DOCK3: variants seen among roughly 807,000 people sequenced by gnomAD.
The protein encoded by DOCK3 is dedicator of cytokinesis protein 3.
Under a neutral mutation model 265.6 loss-of-function variants are expected in DOCK3, and 60 were observed. The observed-to-expected ratio is 0.23, with a 90% CI of 0.18 to 0.28. The LOEUF is 0.28. DOCK3 is among the 10% of genes least tolerant of loss of function. DOCK3 has a pLI of 1.00. For missense variants in DOCK3, 1,981 were observed against 2,594.3 expected, an observed-to-expected ratio of 0.76 and a Z score of 5.14; for synonymous variants, 881 against 938.0, an observed-to-expected ratio of 0.94 and a Z score of 1.11.
intron 4 of DOCK3, among the ~76,000 whole-genome samples, chr3:50,902,287 A>G (rs1218546804): frequency 1.3e-5 from 2 of 152,098 alleles, no homozygotes; most frequent in African/African-American, 4.8e-5. Context: ...AATATTGCCT[A>G]GGTTTTCTTC....
At chr3:50,738,269 T>C (rs546653432) in intron 1 of DOCK3, among the ~76,000 whole-genome samples, 2 of 152,232 alleles carry the variant, frequency 1.3e-5, no homozygotes, top group East Asian at 1.9e-4. Flanking sequence ...CTGAGGTTCA[T>C]GGAAGTCAGC....
intron 32 of DOCK3, among the ~76,000 whole-genome samples, chr3:51,315,492 G>A (rs1309827680): frequency 6.6e-6 from 1 of 152,278 alleles, no homozygotes. Context: ...CTGCAGCCCA[G>A]ACCAGATGAC....
intron 4 of DOCK3, among the ~76,000 whole-genome samples, chr3:50,899,278 T>C (rs1375740057): frequency 1.3e-5 from 2 of 152,242 alleles, no homozygotes; most frequent in Non-Finnish European, 2.9e-5. Flanking sequence ...AAGTCTTTTT[T>C]ATCAGAGACT....
intron 2 of DOCK3, among the ~76,000 whole-genome samples, chr3:50,806,588 C>T (rs2106683205): frequency 6.6e-6 from 1 of 151,852 alleles, no homozygotes; most frequent in South Asian, 2.1e-4. Context: ...GAAGACTGTT[C>T]TTCTGGCTGA....
chr3:50,861,374 C>G (rs985877476), intron 3 of DOCK3, among the ~76,000 whole-genome samples: 5 of 152,142 alleles, frequency 3.3e-5, no homozygotes, highest in African/African-American at 1.2e-4. Context: ...TTAAGAATGT[C>G]CCATGCGCAG....
intron 50 of DOCK3, among the ~76,000 whole-genome samples, chr3:51,375,242 T>C (rs2088011272): frequency 6.6e-6 from 1 of 152,230 alleles, no homozygotes; most frequent in South Asian, 2.1e-4. Context: ...CTGTGCCTGA[T>C]TGGCTCTGCC....
intron 23 of DOCK3, among the ~76,000 whole-genome samples, chr3:51,260,901 T>C (rs1007991896): frequency 3.3e-5 from 5 of 151,916 alleles, no homozygotes; most frequent in African/African-American, 1.2e-4. Context: ...GGAGAATTGC[T>C]TGAACCCGGG....
intron 33 of DOCK3, among the ~76,000 whole-genome samples, chr3:51,331,573 T>G (rs1051656979): frequency 1.3e-5 from 2 of 150,414 alleles, no homozygotes; most frequent in South Asian, 4.2e-4. Flanking sequence ...AAAAAAAAAG[T>G]AAATCATGGG....
chr3:51,279,970 G>T (rs976274585), intron 26 of DOCK3, 136 bp from the exon 27 acceptor site: 5 of 683,062 alleles, frequency 7.3e-6, no homozygotes, highest in Non-Finnish European at 1.3e-5. Flanking sequence ...AGCTTTAGAG[G>T]GCTAGATTTG....
intron 32 of DOCK3, among the ~76,000 whole-genome samples, chr3:51,320,179 G>A (rs1470074511): frequency 1.3e-5 from 2 of 152,160 alleles, no homozygotes; most frequent in Admixed American, 6.5e-5. Flanking sequence ...GCGAGCCAAA[G>A]CAGGGTGGGG....
Position 51,064,395 on chromosome 3 carries a change from A to G in DOCK3, c.316-53A>G. On this transcript the variant is annotated intron_variant, in intron 5 of 52. Coordinates refer to ENST00000266037, the MANE Select transcript of DOCK3 (RefSeq NM_004947.5). ...TTTAACTATTTCTCTTTTTCTTTTC[A>G]TTCCTTTTCCATGTCTCTTGTATTT... 1.9e-6 allele frequency: 3 copies of G among 1,597,782 alleles called. No individual in the cohort carries two copies. In the South Asian group the frequency reaches 3.3e-5, roughly 18 times the overall value.
chr3:50,676,918 C>G (rs1273687923), intron 1 of DOCK3, among the ~76,000 whole-genome samples: 1 of 152,152 alleles, frequency 6.6e-6, no homozygotes, highest in Non-Finnish European at 1.5e-5. Flanking sequence ...ATAGTTTCTT[C>G]TTTTCCCTTA....
At chr3:50,719,538 A>G in intron 1 of DOCK3, 1 of 1,207,102 alleles carries the variant, frequency 8.3e-7, no homozygotes, top group Non-Finnish European at 1.2e-6. Flanking sequence ...CCGTTTCTGG[A>G]TCTAGAGCAC....
At chr3:51,094,088 T>TAAACCAG (rs2082735086) in intron 9 of DOCK3, among the ~76,000 whole-genome samples, 1 of 152,198 alleles carries the variant, frequency 6.6e-6, no homozygotes, top group Non-Finnish European at 1.5e-5. Context: ...TTATTGAAGA[T>TAAACCAG]TTTTGCATCG....
chr3:51,218,760 A>C (rs928773408), intron 14 of DOCK3, among the ~76,000 whole-genome samples: 1 of 152,166 alleles, frequency 6.6e-6, no homozygotes, highest in Non-Finnish European at 1.5e-5. Context: ...GTTCTAATAG[A>C]TGACTAAGTT....
intron 27 of DOCK3, among the ~76,000 whole-genome samples, chr3:51,288,413 TTAAG>T (rs1425067404): frequency 3.9e-4 from 56 of 144,362 alleles, no homozygotes; most frequent in African/African-American, 1.4e-3. Flanking sequence ...AAAAAAAAAA[TTAAG>T]AGAACAACAG....
At chr3:50,739,296 A>G (rs1366902331) in intron 1 of DOCK3, among the ~76,000 whole-genome samples, 2 of 152,088 alleles carry the variant, frequency 1.3e-5, no homozygotes, top group Non-Finnish European at 2.9e-5. Context: ...CTACTAATGT[A>G]TCTTCCCCTT....
At chr3:51,245,390 CTTTTTTTTT>C (rs71084137) in intron 21 of DOCK3, among the ~76,000 whole-genome samples, 2 of 106,678 alleles carry the variant, frequency 1.9e-5, no homozygotes, top group African/African-American at 6.9e-5. Context: ...CATTTTCTTT[CTTTTTTTTT>C]TTTTTTTTTG....
intron 21 of DOCK3, among the ~76,000 whole-genome samples, chr3:51,243,406 C>T (rs924834373): frequency 2.0e-5 from 3 of 151,540 alleles, no homozygotes; most frequent in African/African-American, 4.8e-5. Context: ...CCAGAGCCAT[C>T]GAGGGCCAGG....
Sources: allele counts gnomAD v4.1 joint callset (sites outside exome capture counted in the v4.1 genomes callset), GRCh38; gene constraint gnomAD v4.1.1; transcripts MANE v1.5; gene names NCBI Gene and HGNC (gene_info 2026-07-23, HGNC 2026-07-21).